STAG2: variants seen among roughly 807,000 people sequenced by gnomAD.
The protein encoded by STAG2 is STAG2 cohesin complex component.
In STAG2, 14 loss-of-function variants were observed where a neutral mutation model predicts 108.1. That is an observed-to-expected ratio of 0.13 (90% CI 0.09 to 0.20). The LOEUF (loss-of-function observed/expected upper bound fraction) is 0.20. Among genes scored for constraint, STAG2 ranks in the 10% least tolerant of loss-of-function variants. The pLI is 1.00. For synonymous variants in STAG2, 307 were observed against 302.7 expected (o/e 1.01, Z -0.15); for missense variants, 440 against 940.9 (o/e 0.47, Z 6.96).
At chrX:124,014,249 A>G (rs939254891) in intron 1 of STAG2, among the ~76,000 whole-genome samples, 3 of 112,208 alleles carry the variant, frequency 2.7e-5, no homozygotes, top group Non-Finnish European at 3.8e-5. Flanking sequence ...ATTCCTGAAA[A>G]TAAAAGTTAT....
chrX:124,025,488 C>T (rs1277060698), intron 3 of STAG2, among the ~76,000 whole-genome samples: 2 of 111,196 alleles, frequency 1.8e-5, no homozygotes, highest in Non-Finnish European at 3.8e-5. Flanking sequence ...TTTTCCGCAG[C>T]ACTGTGATCT....
chrX:124,018,437 G>A (rs2056803874), intron 1 of STAG2, among the ~76,000 whole-genome samples: 1 of 102,982 alleles, frequency 9.7e-6, no homozygotes, highest in African/African-American at 3.6e-5. Context: ...AGTCTGTGGG[G>A]GAAACACATT....
At chrX:123,994,883 T>C (rs2055654540) in intron 1 of STAG2, among the ~76,000 whole-genome samples, 1 of 112,292 alleles carries the variant, frequency 8.9e-6, no homozygotes, top group Non-Finnish European at 1.9e-5. Flanking sequence ...TTAGGGGAAG[T>C]TGATTTGCTG....
rs2058843815 is a variant in STAG2 at position 124,078,068 on chromosome X, A to G, written c.2775+10A>G. 1 of 1,126,768 alleles carries G rather than the reference A, an allele frequency of 8.9e-7. No homozygotes were observed. The highest frequency in any genetic ancestry group is 1.2e-6 in the Non-Finnish European group (1 of 830,604). 92.9% of individuals were successfully genotyped at this position (1,126,768 alleles called of 1,213,427 possible). The stretch of plus-strand genomic sequence containing the variant: ...TCTCAGTCTGCAACAGGTAAGCATT[A>G]AGAGTACCAACTTTAGCTAACACAA... On this transcript the variant is annotated intron_variant, in intron 27 of 34. Coordinates refer to ENST00000371145, the MANE Select transcript of STAG2 (RefSeq NM_001042750.2).
At chrX:123,966,351 G>A (rs199434) in intron 1 of STAG2, among the ~76,000 whole-genome samples, 54,600 of 107,497 alleles carry the variant, frequency 0.51, 11,234 homozygotes, top group African/African-American at 0.76. Flanking sequence ...AGTCCCAGCT[G>A]CTTGGGAGGC....
At chrX:124,025,749 A>G in intron 3 of STAG2, 91 bp from the exon 4 acceptor site, 1 of 627,860 alleles carries the variant, frequency 1.6e-6, no homozygotes, top group Non-Finnish European at 2.4e-6. Flanking sequence ...TAATGAGTTA[A>G]CCAAGCCTTT....
chrX:123,964,393 A>C (rs758644408), intron 1 of STAG2, among the ~76,000 whole-genome samples: 2 of 112,314 alleles, frequency 1.8e-5, no homozygotes, highest in African/African-American at 3.2e-5. Flanking sequence ...AAAACAGGAA[A>C]ATTCCATTTG....
chrX:124,022,471 A>C (rs915001077), intron 2 of STAG2, 60 bp from the exon 3 acceptor site: 1 of 429,382 alleles, frequency 2.3e-6, no homozygotes. Flanking sequence ...TTGAGTATGG[A>C]TATCCTTTCC....
intron 29 of STAG2, among the ~76,000 whole-genome samples, chrX:124,085,773 CAAAAAAAAAAA>C (rs35882500): frequency 1.9e-4 from 8 of 42,160 alleles, no homozygotes; most frequent in Non-Finnish European, 3.5e-4. Flanking sequence ...GACTGTGTCT[CAAAAAAAAAAA>C]AAAAAAAAAA....
chrX:124,041,587 A>G (rs746280965), intron 6 of STAG2, among the ~76,000 whole-genome samples: 1 of 111,271 alleles, frequency 9.0e-6, no homozygotes, highest in Admixed American at 9.6e-5. Context: ...TAGTGAGAAG[A>G]CTAGTAAGCA....
At chrX:123,989,235 TG>T (rs55966202) in intron 1 of STAG2, among the ~76,000 whole-genome samples, 16,258 of 111,287 alleles carry the variant, frequency 0.15, 1,114 homozygotes, top group South Asian at 0.36. Context: ...GTAAAAATAA[TG>T]ATCCCTGCCC....
intron 1 of STAG2, among the ~76,000 whole-genome samples, chrX:123,999,574 A>T (rs942632771): frequency 9.0e-6 from 1 of 111,192 alleles, no homozygotes; most frequent in African/African-American, 3.3e-5. Context: ...CCACCCAAGT[A>T]GCTGGGACTA....
At chrX:124,029,793 C>A (rs954632578) in intron 4 of STAG2, among the ~76,000 whole-genome samples, 1 of 111,311 alleles carries the variant, frequency 9.0e-6, no homozygotes, top group African/African-American at 3.3e-5. Flanking sequence ...ATCCAGGGGT[C>A]GGAATACCTT....
chrX:124,034,856 A>G (rs1370048960), intron 5 of STAG2, among the ~76,000 whole-genome samples: 1 of 100,236 alleles, frequency 1.0e-5, no homozygotes, highest in Non-Finnish European at 2.0e-5. Context: ...CTATCTCAGT[A>G]GTTGTTGTTG....
intron 5 of STAG2, among the ~76,000 whole-genome samples, chrX:124,034,230 T>C (rs2057435586): frequency 8.9e-6 from 1 of 111,871 alleles, no homozygotes; most frequent in Non-Finnish European, 1.9e-5. Context: ...TGAGGTTTCA[T>C]TATGTTGCTC....
rs1396312047 is a variant in STAG2 at position 124,066,221 on chromosome X, C to G, written c.2143C>G (p.Leu715Val). Residue 715 changes from leucine to valine, a missense_variant, in exon 22 of 35, where the codon CTC becomes GTC. By Grantham distance (32) the Leu-to-Val change is conservative (BLOSUM62 1). This residue lies in a region of STAG2 where 337 missense variants were observed against 649.3 expected (regional missense o/e 0.52). Transcript: ENST00000371145. Reference protein sequence around the residue: ...KWDLFACNYKLLKTGIENGDM... With the variant: ...KWDLFACNYKVLKTGIENGDM... Reference sequence around the variant, plus strand: ...GGATTTATTTGCTTGTAATTACAAACTCTTGAAAACTGGAATCGAAAATGG... The same window carrying G: ...GGATTTATTTGCTTGTAATTACAAAGTCTTGAAAACTGGAATCGAAAATGG... 2.9e-6 allele frequency: 3 copies of G among 1,048,239 alleles called. No homozygotes were observed. Among genetic ancestry groups the G allele is most frequent in the Non-Finnish European group, 3.8e-6 (3 of 797,787 alleles). 86.4% of individuals were successfully genotyped at this position (1,048,239 alleles called of 1,213,427 possible).
intron 28 of STAG2, among the ~76,000 whole-genome samples, chrX:124,082,164 G>C (rs1399524919): frequency 1.8e-5 from 2 of 111,685 alleles, no homozygotes; most frequent in Non-Finnish European, 3.8e-5. Context: ...AGAAATCTTT[G>C]AGGTTTGATT....
chrX:123,999,607 C>T (rs968624282), intron 1 of STAG2, among the ~76,000 whole-genome samples: 3 of 110,612 alleles, frequency 2.7e-5, no homozygotes, highest in Non-Finnish European at 3.8e-5. Flanking sequence ...CCCATGTATG[C>T]CTAATTTTTT....
intron 13 of STAG2, among the ~76,000 whole-genome samples, chrX:124,055,421 A>G (rs1162217258): frequency 8.9e-6 from 1 of 112,857 alleles, no homozygotes; most frequent in East Asian, 2.8e-4. Flanking sequence ...GCCAGGGGCC[A>G]GGACTCTGAA....
Sources: allele counts gnomAD v4.1 joint callset (sites outside exome capture counted in the v4.1 genomes callset), GRCh38; gene constraint gnomAD v4.1.1; regional missense constraint gnomAD v4.1.1; transcripts MANE v1.5; gene names NCBI Gene and HGNC (gene_info 2026-07-23, HGNC 2026-07-21).